Variants in AFMID observed in about 807,000 individuals in gnomAD.
AFMID encodes arylformamidase.
AFMID carries 39 observed loss-of-function variants against 47.5 expected under a neutral mutation model. The ratio of observed to expected loss-of-function variants is 0.82; its 90% CI spans 0.64 to 1.07. The LOEUF is 1.07. AFMID is among the 50% of genes least tolerant of loss of function. AFMID has a pLI of 0.00. For missense variants in AFMID, 375 were observed against 387.5 expected (o/e 0.97, Z 0.27); for synonymous variants, 130 against 153.2 (o/e 0.85, Z 1.12).
At chr17:78,206,324 G>GTA (rs60990668) in intron 10 of AFMID, among the ~76,000 whole-genome samples, 88,434 of 137,084 alleles carry the variant, frequency 0.65, 29,024 homozygotes, top group African/African-American at 0.78. Context: ...GAGCGACAGA[G>GTA]TAAGACTCTG....
intron 2 of AFMID, among the ~76,000 whole-genome samples, chr17:78,201,085 C>T (rs1279707078): frequency 1.3e-5 from 2 of 152,096 alleles, no homozygotes; most frequent in East Asian, 1.9e-4. Flanking sequence ...CAGCTTCTGC[C>T]TCCCAGGTTC....
intron 1 of AFMID, among the ~76,000 whole-genome samples, chr17:78,189,557 C>T (rs112785048): frequency 0.013 from 1,975 of 147,260 alleles, 36 homozygotes; most frequent in South Asian, 0.081. Context: ...GGGTTTTGCT[C>T]TCTCAGGCTG....
chr17:78,202,608 TC>T lies in AFMID; in HGVS notation c.259+6del, dbSNP rs764948999. 7.5e-6 allele frequency: 12 copies of T among 1,609,338 alleles called. No individual in the cohort carries two copies. The highest frequency in any genetic ancestry group is 1.0e-5 in the Non-Finnish European group (12 of 1,176,224). ...TCCCCGACGAGTCGTCTGAAGGTTG[TC>T]GGTGAAGGGGCTGGGGGTCCCGGGG... is the stretch of plus-strand genomic sequence containing the variant. On this transcript the variant is annotated splice_donor_region_variant and intron_variant, in intron 3 of 10. Coordinates refer to ENST00000409257, the MANE Select transcript of AFMID (RefSeq NM_001010982.5).
intron 1 of AFMID, among the ~76,000 whole-genome samples, chr17:78,189,326 G>A (rs1261968731): frequency 6.0e-5 from 9 of 149,374 alleles, no homozygotes; most frequent in African/African-American, 1.7e-4. Context: ...GAGTTCCAGC[G>A]ATTCTCCTGC....
chr17:78,204,956 T>A, intron 6 of AFMID, 56 bp downstream of exon 6: 1 of 1,605,964 alleles, frequency 6.2e-7, no homozygotes, highest in Non-Finnish European at 8.5e-7. Flanking sequence ...GGGAGGACAG[T>A]GCAATCAGTA....
intron 1 of AFMID, chr17:78,190,743 T>G: frequency 2.0e-6 from 1 of 491,892 alleles, no homozygotes; most frequent in South Asian, 2.7e-5. Context: ...TGGCATTAAC[T>G]GAATTCGTTT....
chr17:78,189,435 A>C (rs1435823180), intron 1 of AFMID, among the ~76,000 whole-genome samples: 1 of 146,676 alleles, frequency 6.8e-6, no homozygotes, highest in African/African-American at 2.5e-5. Context: ...GTTGGCCAGG[A>C]TGGTCTCGAA....
chr17:78,193,068 G>A (rs923062711), intron 2 of AFMID, among the ~76,000 whole-genome samples: 77 of 152,166 alleles, frequency 5.1e-4, no homozygotes, highest in African/African-American at 1.8e-3. Context: ...TGAGTGTGGT[G>A]AAACATACAA....
rs1192877374 is a variant in AFMID at position 78,202,713 on chromosome 17, C to T, written c.270C>T (p.Phe90=). 1.5e-5 allele frequency: 23 copies of T among 1,559,634 alleles called. No homozygotes were observed. Among genetic ancestry groups the T allele is most frequent in the Non-Finnish European group, 2.0e-5 (23 of 1,151,500 alleles). ...FPDESSEALP[F]FLFFHGGYWQ... ...TGCTTGGTTTTGCAGCCTTGCCTTT[C>T]TTCCTGTTCTTTCACGGAGGATACT... The change falls in exon 4 of 11, where the codon TTC becomes TTT. Residue 90 remains phenylalanine, a synonymous_variant. Coordinates refer to ENST00000409257, the MANE Select transcript of AFMID (RefSeq NM_001010982.5).
chr17:78,192,566 G>A (rs977308425), intron 2 of AFMID: 23 of 463,678 alleles, frequency 5.0e-5, no homozygotes, highest in African/African-American at 1.2e-4. Context: ...CACCTGCCTC[G>A]GCCTCCCAAA....
Position 78,206,916 on chromosome 17 carries a change from C to G in AFMID, c.891C>G (p.Ile297Met), listed in dbSNP as rs2076398885. 6.2e-6 allele frequency: 10 copies of G among 1,614,072 alleles called. No individual in the cohort carries two copies. Among genetic ancestry groups the G allele is most frequent in the Non-Finnish European group, 8.5e-6 (10 of 1,180,002 alleles). ...GTCTTCTCTTCCTGTTCCAGATTATCTTGAAAACAATCTTCCAGTAGTTCT... is the reference window on the plus strand; with the variant it reads ...GTCTTCTCTTCCTGTTCCAGATTATGTTGAAAACAATCTTCCAGTAGTTCT... ...TQKDNVLTQI[I>M]LKTIFQ The change falls in exon 11 of 11, where the codon ATC becomes ATG. Residue 297 changes from isoleucine (I) to methionine (M), a missense_variant. Physicochemically the swap from Ile to Met is conservative, Grantham distance 10. Transcript: ENST00000409257.
rs201836250 is a variant in AFMID, at chr17:78,187,462, G to A, written c.63+29G>A. The A allele has an allele frequency of 1.3e-5, 21 of 1,612,884 alleles. No homozygotes were observed. In the Admixed American group the frequency reaches 2.7e-4, roughly 20 times the overall value. Reference sequence around the variant, plus strand: ...GGTGGATTGCAGGGAGGGACTAAGGGGCTGGGGCGGAGTTAGCTCATTTAT... The same window carrying A: ...GGTGGATTGCAGGGAGGGACTAAGGAGCTGGGGCGGAGTTAGCTCATTTAT... On this transcript the variant is annotated intron_variant, in intron 1 of 10. Transcript: ENST00000409257.
At chr17:78,206,719 C>G (rs1413531317) in intron 10 of AFMID, among the ~76,000 whole-genome samples, 192 bp from the exon 11 acceptor site, 1 of 148,002 alleles carries the variant, frequency 6.8e-6, no homozygotes, top group Non-Finnish European at 1.5e-5. Context: ...CTTCCTTCAT[C>G]TCAGCATATT....
chr17:78,199,467 C>G (rs1367029726), intron 2 of AFMID, among the ~76,000 whole-genome samples: 2 of 152,032 alleles, frequency 1.3e-5, no homozygotes, highest in African/African-American at 4.8e-5. Flanking sequence ...CCTCTGCTTC[C>G]TGGTTCAAGC....
intron 4 of AFMID, chr17:78,203,579 T>G (rs1367902112): frequency 6.6e-6 from 1 of 151,360 alleles, no homozygotes; most frequent in Non-Finnish European, 1.5e-5. Flanking sequence ...TTCAGTACTT[T>G]AGGAAAAAAA....
chr17:78,197,334 T>C, intron 2 of AFMID: 1 of 840,746 alleles, frequency 1.2e-6, no homozygotes, highest in Non-Finnish European at 1.9e-6. Context: ...CCCCTGAGAG[T>C]GCGTCCTACA....
intron 2 of AFMID, among the ~76,000 whole-genome samples, chr17:78,194,122 T>C (rs911582075): frequency 1.5e-4 from 22 of 151,634 alleles, no homozygotes; most frequent in Non-Finnish European, 3.1e-4. Context: ...TTTTTTTTTT[T>C]TTCTTTGAGA....
At chr17:78,205,386 C>G (rs930317983) in intron 7 of AFMID, 54 bp from the exon 8 acceptor site, 1 of 1,598,566 alleles carries the variant, frequency 6.3e-7, no homozygotes, top group African/African-American at 1.3e-5. Context: ...GGTGGGCTGG[C>G]CCTGCCTTGC....
In AFMID at chr17:78,204,831, C is replaced by A. The variant is rs1263097600; in HGVS notation, c.398C>A (p.Thr133Asn). The change falls in exon 6 of 11, where the codon ACC becomes AAC. Residue 133 changes from threonine (T) to asparagine (N), a missense_variant. Thr to Asn is a moderately conservative substitution (Grantham distance 65). Coordinates refer to ENST00000409257, the MANE Select transcript of AFMID (RefSeq NM_001010982.5). The stretch of plus-strand genomic sequence containing the variant: ...CCAGCTCATGCTCTCTGTGCAGGCA[C>A]CCTGGACCACATGGTAGACCAGGTG... ...IVAYGIAPKG[T>N]LDHMVDQVTR... 1.2e-6 allele frequency: 2 copies of A among 1,614,234 alleles called. No homozygotes were observed. Among genetic ancestry groups the A allele is most frequent in the East Asian group, 2.2e-5 (1 of 44,880 alleles).
Sources: allele counts gnomAD v4.1 joint callset (sites outside exome capture counted in the v4.1 genomes callset), GRCh38; gene constraint gnomAD v4.1.1; transcripts MANE v1.5; gene names NCBI Gene and HGNC (gene_info 2026-07-23, HGNC 2026-07-21).